The following LAMA1 variants were observed in gnomAD, a reference collection of about 807,000 sequenced individuals.
LAMA1 encodes the protein laminin subunit alpha-1.
Under a neutral mutation model 348.7 loss-of-function variants are expected in LAMA1, and 219 were observed. The observed-to-expected ratio is 0.63, with a 90% CI of 0.56 to 0.70. The LOEUF (loss-of-function observed/expected upper bound fraction) is 0.70, where lower values mean the gene tolerates loss of function less well. Ranked by LOEUF, LAMA1 falls within the 30% of genes least tolerant of loss-of-function variation. The pLI is 0.00. For synonymous variants in LAMA1, 1,487 were observed against 1,491.0 expected (o/e 1.00, Z 0.06); for missense variants, 3,744 against 3,888.0 (o/e 0.96, Z 0.99).
intron 33 of LAMA1, among the ~76,000 whole-genome samples, chr18:6,997,011 T>C (rs1039963452): frequency 1.3e-5 from 2 of 152,122 alleles, no homozygotes; most frequent in African/African-American, 2.4e-5. Context: ...AAAAATAATA[T>C]ACCTTAAAGA....
chr18:6,974,802 C>T (rs552518508), intron 46 of LAMA1, 101 bp downstream of exon 46: 3 of 1,467,412 alleles, frequency 2.0e-6, no homozygotes, highest in Admixed American at 3.4e-5. Context: ...ATCTGACTTT[C>T]CAGAAGTTTC....
intron 3 of LAMA1, among the ~76,000 whole-genome samples, chr18:7,074,445 A>C (rs2058158873): frequency 6.6e-6 from 1 of 152,194 alleles, no homozygotes; most frequent in African/African-American, 2.4e-5. Context: ...TAATTCGTGG[A>C]ACCTATAGGA....
At chr18:6,976,330 C>T (rs1043292724) in intron 44 of LAMA1, among the ~76,000 whole-genome samples, 7 of 152,238 alleles carry the variant, frequency 4.6e-5, no homozygotes, top group African/African-American at 1.7e-4. Context: ...CTGTCTTGCT[C>T]ATATAAGATT....
chr18:7,066,443 C>T (rs2058123259), intron 3 of LAMA1, among the ~76,000 whole-genome samples: 1 of 152,134 alleles, frequency 6.6e-6, no homozygotes, highest in South Asian at 2.1e-4. Context: ...GGTTCTTTCT[C>T]TTTGGTTAGA....
In LAMA1 at chr18:6,999,935, C is replaced by T. The variant is rs371972508; in HGVS notation, c.4445G>A (p.Gly1482Asp). 3.1e-6 allele frequency: 5 copies of T among 1,613,956 alleles called. No individual in the cohort carries two copies. The highest frequency in any genetic ancestry group is 1.7e-5 in the Admixed American group (1 of 59,988). Residue 1482 changes from glycine to aspartate, a missense_variant, in exon 31 of 63, where the codon GGC (glycine) becomes GAC (aspartate). Gly to Asp is a moderately conservative substitution (Grantham distance 94). Transcript: ENST00000389658. Reference protein sequence around the residue: ...HDFRCDACLLGYEGKHCERCS... With the variant: ...HDFRCDACLLDYEGKHCERCS... ...CCTTTCACAGTGTTTTCCTTCATAG[C>T]CCAGGAGACAGGCGTCACAACGGAA...
At chr18:7,101,577 G>C (rs924785526) in intron 1 of LAMA1, among the ~76,000 whole-genome samples, 1 of 152,192 alleles carries the variant, frequency 6.6e-6, no homozygotes, top group African/African-American at 2.4e-5. Flanking sequence ...GATTATCTAT[G>C]TGGTCAGATT....
chr18:7,057,021 G>A (rs548888252), intron 3 of LAMA1, among the ~76,000 whole-genome samples: 11 of 152,034 alleles, frequency 7.2e-5, no homozygotes, highest in South Asian at 2.1e-4. Flanking sequence ...ACTGGTGCAC[G>A]CCACCATGTC....
intron 12 of LAMA1, among the ~76,000 whole-genome samples, chr18:7,036,916 C>T (rs1035042810): frequency 9.2e-5 from 14 of 151,872 alleles, no homozygotes; most frequent in African/African-American, 2.4e-4. Flanking sequence ...GATGCATTCT[C>T]GGGAATAAAT....
At chr18:7,050,555 A>T in intron 4 of LAMA1, 139 bp downstream of exon 4, 1 of 1,142,480 alleles carries the variant, frequency 8.8e-7, no homozygotes, top group Non-Finnish European at 1.3e-6. Context: ...TACTTATAAT[A>T]GACATGACTC....
Position 6,971,880 on chromosome 18 carries a change from G to T in LAMA1, c.6876C>A (p.Gly2292=). ...ACCTTCCGAAGCACCCACGGCACTT[G>T]CCTTCCCTTTCAATATAGTTCCATA... is the stretch of plus-strand genomic sequence containing the variant. ...IGLWNYIERE[G]KCRGCFGSSQ... is the part of the protein sequence containing the mutation. Residue 2292 remains glycine (G), a synonymous_variant, in exon 48 of 63, where the codon GGC becomes GGA. Coordinates refer to ENST00000389658, the MANE Select transcript of LAMA1 (RefSeq NM_005559.4). 1 of 1,614,100 alleles carries T rather than the reference G, an allele frequency of 6.2e-7. No homozygotes were observed. The highest frequency in any genetic ancestry group is 8.5e-7 in the Non-Finnish European group (1 of 1,180,006).
intron 32 of LAMA1, 55 bp downstream of exon 32, chr18:6,999,390 C>G: frequency 6.3e-7 from 1 of 1,580,166 alleles, no homozygotes; most frequent in Non-Finnish European, 8.7e-7. Context: ...CACTTCTTTC[C>G]CGACACATTT....
chr18:7,050,658 G>A (rs368355989), intron 4 of LAMA1, 36 bp downstream of exon 4: 3 of 1,612,464 alleles, frequency 1.9e-6, no homozygotes, highest in South Asian at 1.1e-5. Flanking sequence ...ACTCTGATGA[G>A]GAAACAGATC....
At chr18:7,024,034 G>A (rs2057931403) in intron 18 of LAMA1, among the ~76,000 whole-genome samples, 1 of 151,316 alleles carries the variant, frequency 6.6e-6, no homozygotes, top group Non-Finnish European at 1.5e-5. Context: ...TGTAGAGACA[G>A]GGTTTTACCA....
intron 3 of LAMA1, 162 bp downstream of exon 3, chr18:7,079,813 G>A (rs2058185434): frequency 3.1e-6 from 2 of 649,116 alleles, no homozygotes; most frequent in Non-Finnish European, 5.6e-6. Flanking sequence ...ACAAGAAATG[G>A]CACCAGGGAC....
rs2057729807 is a variant in LAMA1, at chr18:6,985,379, TATCCTGGTG to T, written c.5509_5517del (p.His1837_Asp1839del). ...ATTTTGGCAGACCATAAAAGTAGCT[TATCCTGGTG>T]ATCCTCTAAGTGCTACATGGAGAAA... On this transcript the variant is annotated inframe_deletion, in exon 39 of 63. Transcript: ENST00000389658. 2 of 1,614,214 alleles carry T rather than the reference TATCCTGGTG, an allele frequency of 1.2e-6. No homozygotes were observed. Among genetic ancestry groups the T allele is most frequent in the African/African-American group, 1.3e-5 (1 of 75,052 alleles).
intron 3 of LAMA1, among the ~76,000 whole-genome samples, chr18:7,057,471 C>CTTTTTTTTTTTTTTTTTTTT (rs552843703): frequency 1.9e-4 from 17 of 90,804 alleles, no homozygotes; most frequent in Non-Finnish European, 3.9e-4. Flanking sequence ...CTTTTCTTTT[C>CTTTTTTTTTTTTTTTTTTTT]TTTTTTTTTT....
chr18:6,968,248 A>G (rs1320443622), intron 48 of LAMA1, among the ~76,000 whole-genome samples: 2 of 152,204 alleles, frequency 1.3e-5, no homozygotes, highest in African/African-American at 4.8e-5. Context: ...CCCAGCGCTC[A>G]GCCCCGTGAG....
At chr18:6,966,030 T>G (rs1467033936) in intron 49 of LAMA1, 117 bp downstream of exon 49, 2 of 1,114,354 alleles carry the variant, frequency 1.8e-6, no homozygotes, top group Admixed American at 4.2e-5. Context: ...CTCATAAAAA[T>G]TGTATGGTAT....
At chr18:7,025,380 C>T (rs1184467085) in intron 17 of LAMA1, among the ~76,000 whole-genome samples, 1 of 152,204 alleles carries the variant, frequency 6.6e-6, no homozygotes, top group Non-Finnish European at 1.5e-5. Flanking sequence ...TTCCTGCACC[C>T]ACCTAGGTAG....
Sources: allele counts gnomAD v4.1 joint callset (sites outside exome capture counted in the v4.1 genomes callset), GRCh38; gene constraint gnomAD v4.1.1; transcripts MANE v1.5; gene names NCBI Gene and HGNC (gene_info 2026-07-23, HGNC 2026-07-21).